Variants in PTPRM observed in about 807,000 individuals in gnomAD.
PTPRM encodes the protein receptor-type tyrosine-protein phosphatase mu.
A neutral mutation model predicts 186.7 loss-of-function variants in PTPRM; 47 were observed. The observed-to-expected ratio is 0.25, with a 90% confidence interval of 0.20 to 0.32. The LOEUF (loss-of-function observed/expected upper bound fraction) is 0.32, where lower values mean the gene tolerates loss of function less well. PTPRM is among the 10% of genes least tolerant of loss of function. PTPRM has a pLI of 1.00. For synonymous variants in PTPRM, 668 were observed against 674.9 expected, an observed-to-expected ratio of 0.99 and a Z score of 0.16; for missense variants, 1,494 against 1,865.0, an observed-to-expected ratio of 0.80 and a Z score of 3.66.
intron 14 of PTPRM, among the ~76,000 whole-genome samples, chr18:8,238,622 T>A (rs558536775): frequency 6.6e-6 from 1 of 151,694 alleles, no homozygotes; most frequent in Non-Finnish European, 1.5e-5. Flanking sequence ...GTTTTGTTGT[T>A]TGCTCTGTCT....
intron 2 of PTPRM, among the ~76,000 whole-genome samples, chr18:7,859,474 G>T (rs2047247175): frequency 6.6e-6 from 1 of 152,216 alleles, no homozygotes; most frequent in Admixed American, 6.5e-5. Context: ...GATGTCACTT[G>T]TGATCAAGAA....
chr18:8,158,239 AT>A (rs1386186878), intron 14 of PTPRM, among the ~76,000 whole-genome samples: 3 of 152,210 alleles, frequency 2.0e-5, no homozygotes, highest in African/African-American at 7.2e-5. Flanking sequence ...GGGCTGCATA[AT>A]TACTACTAAA....
chr18:8,236,003 C>T (rs55948899), intron 14 of PTPRM, among the ~76,000 whole-genome samples: 2 of 152,132 alleles, frequency 1.3e-5, no homozygotes, highest in Non-Finnish European at 2.9e-5. Context: ...TGCGGTCTAT[C>T]TGGTGAATGT....
intron 22 of PTPRM, among the ~76,000 whole-genome samples, chr18:8,331,668 A>T (rs545972359): frequency 6.6e-6 from 1 of 152,344 alleles, no homozygotes; most frequent in Non-Finnish European, 1.5e-5. Flanking sequence ...ATGAAAGCTG[A>T]TACATCCTAC....
intron 1 of PTPRM, among the ~76,000 whole-genome samples, chr18:7,705,578 T>C (rs2040068820): frequency 6.6e-6 from 1 of 152,192 alleles, no homozygotes. Context: ...TTATGTAGTA[T>C]TGAATATACA....
At chr18:8,023,797 A>C (rs1265672502) in intron 7 of PTPRM, among the ~76,000 whole-genome samples, 2 of 151,174 alleles carry the variant, frequency 1.3e-5, no homozygotes, top group Non-Finnish European at 2.9e-5. Context: ...GTAAATAATA[A>C]TTCTTTGCCA....
intron 1 of PTPRM, among the ~76,000 whole-genome samples, chr18:7,677,162 C>T (rs534249788): frequency 3.2e-4 from 48 of 152,224 alleles, no homozygotes; most frequent in Middle Eastern, 3.4e-3. Context: ...TGTAAAACCA[C>T]GTTATTTCTA....
chr18:7,942,944 T>C (rs2052283975), intron 5 of PTPRM, among the ~76,000 whole-genome samples: 1 of 152,148 alleles, frequency 6.6e-6, no homozygotes, highest in South Asian at 2.1e-4. Flanking sequence ...ACCTGACACA[T>C]TTTTTGCTTT....
chr18:7,755,537 G>C (rs1039953086), intron 1 of PTPRM, among the ~76,000 whole-genome samples: 23 of 152,128 alleles, frequency 1.5e-4, no homozygotes, highest in African/African-American at 5.3e-4. Context: ...TGGGTCCGAA[G>C]CAAAAATAGG....
intron 1 of PTPRM, among the ~76,000 whole-genome samples, chr18:7,632,587 G>T (rs554371758): frequency 6.6e-6 from 1 of 152,250 alleles, no homozygotes; most frequent in South Asian, 2.1e-4. Flanking sequence ...AGTTGGGGCG[G>T]CTGAAAAAGG....
intron 1 of PTPRM, among the ~76,000 whole-genome samples, chr18:7,765,000 A>G (rs2041952732): frequency 6.6e-6 from 1 of 152,230 alleles, no homozygotes; most frequent in Admixed American, 6.5e-5. Context: ...AATTCAATCC[A>G]ATAGTAGCTC....
chr18:7,576,690 C>A (rs1488482619), intron 1 of PTPRM, among the ~76,000 whole-genome samples: 1 of 152,142 alleles, frequency 6.6e-6, no homozygotes, highest in Non-Finnish European at 1.5e-5. Flanking sequence ...ATTGCCCAGG[C>A]TAGTCTTAAA....
At chr18:7,747,048 T>C (rs1353462235) in intron 1 of PTPRM, among the ~76,000 whole-genome samples, 2 of 152,222 alleles carry the variant, frequency 1.3e-5, no homozygotes, top group African/African-American at 4.8e-5. Context: ...GTTTCCCTTC[T>C]GCTTTCTGTT....
intron 7 of PTPRM, among the ~76,000 whole-genome samples, chr18:7,965,148 C>A (rs1052471480): frequency 1.3e-5 from 2 of 150,748 alleles, no homozygotes; most frequent in Non-Finnish European, 2.9e-5. Context: ...CAGTTACAAG[C>A]GATTCTTCTG....
intron 23 of PTPRM, among the ~76,000 whole-genome samples, chr18:8,364,546 G>T (rs764094671): frequency 2.6e-4 from 40 of 152,202 alleles, no homozygotes; most frequent in Non-Finnish European, 4.6e-4. Flanking sequence ...TGGAAACAAA[G>T]CTGGCAGCTG....
chr18:7,859,551 C>A (rs974245473), intron 2 of PTPRM, among the ~76,000 whole-genome samples: 2 of 152,228 alleles, frequency 1.3e-5, no homozygotes, highest in East Asian at 3.9e-4. Flanking sequence ...CTATTCTGAC[C>A]CCCAGGCACC....
At chr18:8,155,736 C>T (rs1046487625) in intron 14 of PTPRM, among the ~76,000 whole-genome samples, 2 of 152,202 alleles carry the variant, frequency 1.3e-5, no homozygotes, top group African/African-American at 4.8e-5. Context: ...CAGCATGCAG[C>T]CGGAGGCAAG....
At chr18:8,401,691 C>T (rs2095872994) in intron 32 of PTPRM, among the ~76,000 whole-genome samples, 1 of 152,260 alleles carries the variant, frequency 6.6e-6, no homozygotes, top group Non-Finnish European at 1.5e-5. Flanking sequence ...GCAGCCTGCG[C>T]AGACGACAAG....
chr18:7,760,784 T>G (rs1374122270), intron 1 of PTPRM, among the ~76,000 whole-genome samples: 3 of 152,194 alleles, frequency 2.0e-5, no homozygotes, highest in African/African-American at 7.2e-5. Context: ...GTTTTATAGA[T>G]GAATAGATGA....
Sources: gnomAD v4.1 joint callset for allele counts (sites outside exome capture counted in the v4.1 genomes callset) on GRCh38, gnomAD v4.1.1 for gene constraint, MANE v1.5 for transcripts, NCBI Gene and HGNC (gene_info 2026-07-23, HGNC 2026-07-21) for gene names.